Variants in MRPL19 observed in about 807,000 individuals in gnomAD.
MRPL19 encodes mitochondrial ribosomal protein L19, also known as large ribosomal subunit protein bL19m.
In MRPL19, 31 loss-of-function variants were observed where a neutral mutation model predicts 34.0. The ratio of observed to expected loss-of-function variants is 0.91; its 90% CI spans 0.68 to 1.23. MRPL19 has a LOEUF of 1.23. Ranked by LOEUF, MRPL19 falls within the 50% of genes most tolerant of loss-of-function variation. The pLI is 0.00. For missense variants in MRPL19, 384 were observed against 367.6 expected (o/e 1.04, Z -0.37); for synonymous variants, 152 against 127.7 (o/e 1.19, Z -1.28).
In MRPL19 at chr2:75,646,822, T is replaced by C; in HGVS notation, c.15T>C (p.Ile5=). The change falls in exon 1 of 6, where the codon ATT becomes ATC. Residue 5 remains isoleucine (I), a synonymous_variant. Transcript: ENST00000393909. ...AGCTAGCTGGCATGGCGGCCTGCAT[T>C]GCAGCGGGGCACTGGGCTGCAATGG... MAAC[I]AAGHWAAMGL... 1 of 1,556,080 alleles carries C rather than the reference T, an allele frequency of 6.4e-7. No homozygotes were observed. The highest frequency in any genetic ancestry group is 8.7e-7 in the Non-Finnish European group (1 of 1,150,592).
rs560814986 is a variant in MRPL19 at position 75,661,527 on chromosome 2, T to G, written c.*6242T>G. The G allele has an allele frequency of 6.6e-6, 1 of 152,226 alleles. No individual in the cohort carries two copies. Among genetic ancestry groups the G allele is most frequent in the Admixed American group, 6.5e-5 (1 of 15,272 alleles). The allele number at this position is 152,226 out of a possible 1,614,324, so 9.4% of individuals were successfully genotyped here. On this transcript the variant is annotated 3_prime_UTR_variant, in exon 6 of 6. Transcript: ENST00000393909. ...AAGTATGTATATTTTCTAAACTACC[T>G]TGTAGTGTTGTGATGGGAAATAAAT...
At position 75,655,430 on chromosome 2, in the gene MRPL19, A is replaced by C; in HGVS notation, c.*145A>C. ...TTTATTAATACTTTTTTTCTAAAAT[A>C]AAACTTGTACACCAGTTTATTACTC... On this transcript the variant is annotated 3_prime_UTR_variant, in exon 6 of 6. Coordinates refer to ENST00000393909, the MANE Select transcript of MRPL19 (RefSeq NM_014763.4). 1 of 657,212 alleles carries C rather than the reference A, an allele frequency of 1.5e-6. No individual in the cohort carries two copies. Among genetic ancestry groups the C allele is most frequent in the Non-Finnish European group, 2.5e-6 (1 of 398,480 alleles). 40.7% of individuals were successfully genotyped at this position (657,212 alleles called of 1,614,324 possible).
intron 2 of MRPL19, chr2:75,651,714 G>A: frequency 3.2e-6 from 1 of 308,642 alleles, no homozygotes; most frequent in South Asian, 3.1e-5. Flanking sequence ...ATTTATTATA[G>A]CATGTATAGC....
rs1278227358 is a variant in MRPL19 at position 75,656,373 on chromosome 2, C to G, written c.*1088C>G. The G allele has an allele frequency of 6.6e-6, 1 of 152,164 alleles. No homozygotes were observed. Among genetic ancestry groups the G allele is most frequent in the Non-Finnish European group, 1.5e-5 (1 of 68,020 alleles). The allele number at this position is 152,164 out of a possible 1,614,324, so 9.4% of individuals were successfully genotyped here. A position where few individuals can be genotyped will look rare whatever the true frequency, so the allele number is the denominator to read the frequency against. ...CTAAATCTTGAAGGCAACTCTCAGCCTATCCATTGAGTTACCTTCAGATCT... is the reference window on the plus strand; with the variant it reads ...CTAAATCTTGAAGGCAACTCTCAGCGTATCCATTGAGTTACCTTCAGATCT... On this transcript the variant is annotated 3_prime_UTR_variant, in exon 6 of 6. Coordinates refer to ENST00000393909, the MANE Select transcript of MRPL19 (RefSeq NM_014763.4).
chr2:75,652,865 A>G (rs1425554398), intron 4 of MRPL19, among the ~76,000 whole-genome samples: 1 of 152,216 alleles, frequency 6.6e-6, no homozygotes, highest in African/African-American at 2.4e-5. Flanking sequence ...AAGGCTTCTT[A>G]TGTTATTGGA....
intron 2 of MRPL19, 80 bp from the exon 3 acceptor site, chr2:75,652,062 T>G (rs1678342385): frequency 1.3e-6 from 1 of 762,316 alleles, no homozygotes. Flanking sequence ...ATATCATATT[T>G]AATTTCTTTG....
At chr2:75,652,433 T>G in intron 3 of MRPL19, 90 bp from the exon 4 acceptor site, 1 of 1,466,452 alleles carries the variant, frequency 6.8e-7, no homozygotes, top group Non-Finnish European at 9.3e-7. Context: ...TATCTAGAAA[T>G]GCTATTTGTT....
At position 75,655,479 on chromosome 2, in the gene MRPL19, A is replaced by G; in HGVS notation, c.*194A>G. On this transcript the variant is annotated 3_prime_UTR_variant, in exon 6 of 6. Transcript: ENST00000393909. ...TCTAAAAAGAGAATTACACATGCCA[A>G]ATGGACCAATGTCCATTTGCTTATT... 1 of 479,126 alleles carries G rather than the reference A, an allele frequency of 2.1e-6. No individual in the cohort carries two copies. Among genetic ancestry groups the G allele is most frequent in the Non-Finnish European group, 3.6e-6 (1 of 274,420 alleles). 29.7% of individuals were successfully genotyped at this position (479,126 alleles called of 1,614,324 possible). A position where few individuals can be genotyped will look rare whatever the true frequency, so the allele number is the denominator to read the frequency against.
At chr2:75,651,871 A>C (rs1490055310) in intron 2 of MRPL19, 3 of 255,694 alleles carry the variant, frequency 1.2e-5, no homozygotes, top group Non-Finnish European at 2.2e-5. Context: ...GCTCTGTAAA[A>C]AGGAGATGAC....
intron 4 of MRPL19, 96 bp from the exon 5 acceptor site, chr2:75,654,640 T>C (rs1379180054): frequency 6.2e-6 from 7 of 1,128,098 alleles, no homozygotes; most frequent in African/African-American, 4.7e-5. Flanking sequence ...TGCAAAACTT[T>C]GTGCTAATTC....
rs1039257235 is a variant in MRPL19 at position 75,659,446 on chromosome 2, T to C, written c.*4161T>C. On this transcript the variant is annotated 3_prime_UTR_variant, in exon 6 of 6. Transcript: ENST00000393909. The stretch of plus-strand genomic sequence containing the variant: ...TAATACTGACTTTTATATTTGTCAA[T>C]ATATTTATCTTATTTTGGATCCTTA... Among the ~76,000 whole-genome samples the C allele has an allele frequency of 6.6e-6, 1 of 152,188 alleles. No homozygotes were observed. The highest frequency in any genetic ancestry group is 1.5e-5 in the Non-Finnish European group (1 of 68,008).
rs1272785083 is a variant in MRPL19, at chr2:75,647,123, G to C, written c.125G>C (p.Arg42Pro). Residue 42 changes from arginine to proline, a missense_variant, in exon 2 of 6, where the codon CGG becomes CCG. Transcript: ENST00000393909. ...GCAGGGGTCCACGCGGGGCCTGTCCGGCAGCAGAGCACTGGGCCTTCCGAG... is the reference window on the plus strand; with the variant it reads ...GCAGGGGTCCACGCGGGGCCTGTCCCGCAGCAGAGCACTGGGCCTTCCGAG... ...IACRVHAGPVRQQSTGPSEPG... is the reference protein window; with the variant it reads ...IACRVHAGPVPQQSTGPSEPG... The C allele has an allele frequency of 3.2e-6, 5 of 1,586,324 alleles. No homozygotes were observed. The highest frequency in any genetic ancestry group is 1.3e-5 in the African/African-American group (1 of 74,570).
At position 75,646,870 on chromosome 2, in the gene MRPL19, C is replaced by T. The variant is rs1470520499; in HGVS notation, c.63C>T (p.Ala21=). The change falls in exon 1 of 6, where the codon GCC becomes GCT. Residue 21 remains alanine (A), a synonymous_variant. Coordinates refer to ENST00000393909, the MANE Select transcript of MRPL19 (RefSeq NM_014763.4). ...TGGGCCTAGGCCGGAGTTTCCAAGC[C>T]GCCAGGACTCTGCTCCCCCCGCCGG... ...AAMGLGRSFQ[A]ARTLLPPPAS... 8.1e-6 allele frequency: 13 copies of T among 1,596,994 alleles called. No homozygotes were observed. Among genetic ancestry groups the T allele is most frequent in the South Asian group, 3.4e-5 (3 of 88,298 alleles).
chr2:75,647,315 C>T (rs766927161), intron 2 of MRPL19, 96 bp downstream of exon 2: 3 of 1,145,670 alleles, frequency 2.6e-6, no homozygotes, highest in Non-Finnish European at 2.5e-6. Context: ...GGGGGCTGCA[C>T]CTCCCCCTGC....
chr2:75,648,266 A>G (rs900595485), intron 2 of MRPL19, among the ~76,000 whole-genome samples: 20 of 152,348 alleles, frequency 1.3e-4, no homozygotes, highest in African/African-American at 4.3e-4. Context: ...AGAATTTACT[A>G]AGTTTAAGTT....
rs1027447385 is a variant in MRPL19, at chr2:75,660,430, T to C, written c.*5145T>C. 10 of 152,204 alleles carry C rather than the reference T, an allele frequency of 6.6e-5. No individual in the cohort carries two copies. The highest frequency in any genetic ancestry group is 2.2e-4 in the African/African-American group (9 of 41,440). 9.4% of individuals were successfully genotyped at this position (152,204 alleles called of 1,614,324 possible). On this transcript the variant is annotated 3_prime_UTR_variant, in exon 6 of 6. Coordinates refer to ENST00000393909, the MANE Select transcript of MRPL19 (RefSeq NM_014763.4). ...GTCTTTGTATGCTGTCTTTTTGTTG[T>C]TGAAAACTGTATGTTTGAACATCAT...
intron 2 of MRPL19, chr2:75,651,250 C>T: frequency 2.1e-6 from 1 of 476,986 alleles, no homozygotes; most frequent in South Asian, 1.6e-5. Context: ...ACCTGTCATC[C>T]AAGGAAGAGA....
chr2:75,651,276 A>G (rs954929307), intron 2 of MRPL19: 20 of 503,216 alleles, frequency 4.0e-5, no homozygotes, highest in Middle Eastern at 4.7e-4. Flanking sequence ...GTTCAGGGAC[A>G]CGATGTGCTG....
Position 75,652,228 on chromosome 2 carries a change from G to A in MRPL19, c.308G>A (p.Arg103Lys), listed in dbSNP as rs774618305. 1.3e-6 allele frequency: 2 copies of A among 1,597,418 alleles called. No homozygotes were observed. Among genetic ancestry groups the A allele is most frequent in the Admixed American group, 1.7e-5 (1 of 58,328 alleles). Residue 103 changes from arginine to lysine, a missense_variant, in exon 3 of 6, where the codon AGA becomes AAA. Physicochemically the swap from Arg to Lys is conservative, Grantham distance 26. Coordinates refer to ENST00000393909, the MANE Select transcript of MRPL19 (RefSeq NM_014763.4). ...QIERKDMLER[R>K]KVLHIPEFYV... ...GAAAGAAAAGATATGTTAGAAAGGA[G>A]AAAAGTACTCCACATTCCAGAGTTC...
Sources: gnomAD v4.1 joint callset for allele counts (sites outside exome capture counted in the v4.1 genomes callset) on GRCh38, gnomAD v4.1.1 for gene constraint, MANE v1.5 for transcripts, NCBI Gene and HGNC (gene_info 2026-07-23, HGNC 2026-07-21) for gene names.